Variants in OTOF observed in about 807,000 individuals in gnomAD.
OTOF encodes fer-1-like family member 2.
Under a neutral mutation model 236.8 loss-of-function variants are expected in OTOF, and 218 were observed. The observed-to-expected ratio is 0.92, with a 90% CI of 0.82 to 1.03. The LOEUF is 1.03. Ranked by LOEUF, OTOF falls within the 50% of genes least tolerant of loss-of-function variation. OTOF has a pLI of 0.00. For synonymous variants in OTOF, 1,041 were observed against 1,072.5 expected (o/e 0.97, Z 0.57); for missense variants, 2,590 against 2,694.4 (o/e 0.96, Z 0.86).
At position 26,462,229 on chromosome 2, in the gene OTOF, T is replaced by C; in HGVS notation, c.5193-48A>G. 1 of 1,500,284 alleles carries C rather than the reference T, an allele frequency of 6.7e-7. No homozygotes were observed. The highest frequency in any genetic ancestry group is 2.3e-5 in the East Asian group (1 of 44,310). 92.9% of individuals were successfully genotyped at this position (1,500,284 alleles called of 1,614,324 possible). A position where few individuals can be genotyped will look rare whatever the true frequency, so the allele number is the denominator to read the frequency against. ...GGTTAGCAGCCCCAGGTGGGGGTTA[T>C]GCCAGGGTGCCAGGGCTGGGATGGG... On this transcript the variant is annotated intron_variant, in intron 41 of 46. Coordinates refer to ENST00000272371, the MANE Select transcript of OTOF (RefSeq NM_194248.3). The surrounding 1 kb of genome is among the most constrained non-coding windows in gnomAD (Gnocchi z 4.7).
chr2:26,542,146 A>G (rs1167462518), intron 1 of OTOF, among the ~76,000 whole-genome samples: 4 of 152,240 alleles, frequency 2.6e-5, no homozygotes, highest in African/African-American at 9.6e-5. Flanking sequence ...TTCATGGGAC[A>G]TGATTTAAGG....
intron 3 of OTOF, among the ~76,000 whole-genome samples, chr2:26,521,390 C>G (rs1475937575): frequency 6.6e-6 from 1 of 152,192 alleles, no homozygotes; most frequent in Non-Finnish European, 1.5e-5. Flanking sequence ...TCCCAGGGGG[C>G]AGGGTGGAGC....
At chr2:26,471,820 G>T (rs1260399227) in intron 30 of OTOF, among the ~76,000 whole-genome samples, 1 of 149,970 alleles carries the variant, frequency 6.7e-6, no homozygotes, top group Non-Finnish European at 1.5e-5. Context: ...TACACCACAT[G>T]CACACATGCA....
At chr2:26,467,078 G>A (rs1664765591) in intron 35 of OTOF, 21 bp downstream of exon 35, 32 of 1,611,126 alleles carry the variant, frequency 2.0e-5, no homozygotes, top group Non-Finnish European at 2.5e-5. Flanking sequence ...GCTCAGGCTG[G>A]GCCCGTGCTC....
intron 9 of OTOF, among the ~76,000 whole-genome samples, chr2:26,490,580 G>A (rs756854943): frequency 6.6e-6 from 1 of 152,194 alleles, no homozygotes; most frequent in Non-Finnish European, 1.5e-5. Context: ...TTTCCAATGT[G>A]CTTGGGGTAA....
intron 1 of OTOF, among the ~76,000 whole-genome samples, chr2:26,544,275 C>T (rs1667277908): frequency 6.6e-6 from 1 of 151,960 alleles, no homozygotes; most frequent in Non-Finnish European, 1.5e-5. Context: ...CCCTGTATAC[C>T]GCCACACAAT....
At chr2:26,487,780 A>G (rs1217997014) in intron 11 of OTOF, among the ~76,000 whole-genome samples, 1 of 152,222 alleles carries the variant, frequency 6.6e-6, no homozygotes, top group East Asian at 1.9e-4. Flanking sequence ...ATTCCAAGCA[A>G]GTAGTCCACG....
intron 1 of OTOF, among the ~76,000 whole-genome samples, chr2:26,541,319 A>G (rs531765776): frequency 6.6e-6 from 1 of 152,324 alleles, no homozygotes; most frequent in South Asian, 2.1e-4. Context: ...GAATTTATAC[A>G]TCAGGGTTCT....
chr2:26,481,052 A>G (rs1386807453), intron 14 of OTOF, 43 bp from the exon 15 acceptor site: 7 of 1,486,384 alleles, frequency 4.7e-6, no homozygotes, highest in Non-Finnish European at 5.6e-6. Flanking sequence ...CGTCACATCC[A>G]GTTTCCCTGG....
intron 35 of OTOF, 75 bp downstream of exon 35, chr2:26,467,024 G>T: frequency 6.3e-7 from 1 of 1,583,106 alleles, no homozygotes; most frequent in Non-Finnish European, 8.6e-7. Flanking sequence ...GCAGTGGTGG[G>T]AGGTGAGTGG....
In OTOF at chr2:26,480,262, T is replaced by G; in HGVS notation, c.1853A>C (p.Glu618Ala). 1 of 1,613,038 alleles carries G rather than the reference T, an allele frequency of 6.2e-7. No homozygotes were observed. The highest frequency in any genetic ancestry group is 1.7e-5 in the Admixed American group (1 of 60,032). The change falls in exon 16 of 47, where the codon GAG becomes GCG. Residue 618 changes from glutamate (E) to alanine (A), a missense_variant. Glu to Ala is a moderately radical substitution (Grantham distance 107). Around this residue, in one of 2 missense-constraint regions of OTOF, gnomAD observed 1,379 missense variants for 1,341.6 expected, o/e 1.03. Coordinates refer to ENST00000272371, the MANE Select transcript of OTOF (RefSeq NM_194248.3). ...EEFFLFGAFL[E>A]ASMIDRRNGD... ...GTTTCTCCGGTCGATCATTGAGGCCTCCAGGAAGGCTCCAAAGAGAAAGAA... is the reference window on the plus strand; with the variant it reads ...GTTTCTCCGGTCGATCATTGAGGCCGCCAGGAAGGCTCCAAAGAGAAAGAA...
Position 26,480,803 on chromosome 2 carries a change from C to A in OTOF, c.1786G>T (p.Ala596Ser). 6.2e-7 allele frequency: 1 copy of A among 1,612,310 alleles called. No homozygotes were observed. The highest frequency in any genetic ancestry group is 8.5e-7 in the Non-Finnish European group (1 of 1,179,828). ...GGTCTCACCTCCGAGATGGGCGTGG[C>A]CTGCTCCACCTGCACCTCTGTGGAG... ...TSSTEVQVEQ[A>S]TPISESCAGK... Residue 596 changes from alanine to serine, a missense_variant, in exon 15 of 47, where the codon GCC becomes TCC. By Grantham distance (99) the Ala-to-Ser change is moderately conservative. Around this residue, in one of 2 missense-constraint regions of OTOF, gnomAD observed 1,379 missense variants for 1,341.6 expected, o/e 1.03. Transcript: ENST00000272371.
chr2:26,548,721 C>T lies in OTOF; in HGVS notation c.79+9772G>A, dbSNP rs114121393. The stretch of plus-strand genomic sequence containing the variant: ...TTGCCTACAGCATTGAATACAGTTA[C>T]GTTCTGTACACGTTTGTGGCCTAGG... On this transcript the variant is annotated intron_variant, in intron 1 of 46. Transcript: ENST00000272371. Among the ~76,000 whole-genome samples the T allele has an allele frequency of 6.7e-3, 1,015 of 152,326 alleles. 9 individuals carry two copies. Among genetic ancestry groups the T allele is most frequent in the African/African-American group, 0.02 (850 of 41,560 alleles).
intron 8 of OTOF, 107 bp from the exon 9 acceptor site, chr2:26,495,180 G>A (rs1665951918): frequency 8.5e-7 from 1 of 1,181,196 alleles, no homozygotes; most frequent in African/African-American, 1.5e-5. Flanking sequence ...GAGGGCCCGG[G>A]AGCCAGCACT....
intron 16 of OTOF, 47 bp downstream of exon 16, chr2:26,480,156 G>A (rs775907057): frequency 9.0e-7 from 1 of 1,107,840 alleles, no homozygotes; most frequent in South Asian, 1.2e-5. Flanking sequence ...GCCCCCGTGG[G>A]CCCAGCACTC....
chr2:26,544,955 C>T (rs1667295264), intron 1 of OTOF, among the ~76,000 whole-genome samples: 1 of 151,440 alleles, frequency 6.6e-6, no homozygotes, highest in Non-Finnish European at 1.5e-5. Flanking sequence ...GCAGGAGAAT[C>T]GCTTGAACCC....
Position 26,475,931 on chromosome 2 carries a change from GATTGATGAAGAAGACGCGGGC to G in OTOF, c.2953_2973del (p.Ala985_Asn991del). 6.2e-7 allele frequency: 1 copy of G among 1,609,638 alleles called. No homozygotes were observed. The highest frequency in any genetic ancestry group is 1.7e-5 in the Admixed American group (1 of 59,604). On this transcript the variant is annotated inframe_deletion, in exon 24 of 47. Coordinates refer to ENST00000272371, the MANE Select transcript of OTOF (RefSeq NM_194248.3). The stretch of plus-strand genomic sequence containing the variant: ...GCCCTCACCTCTGTGCACTGACTCT[GATTGATGAAGAAGACGCGGGC>G]AAAGGGGTCTGAGAGTCCGCTGCTG...
chr2:26,556,389 G>C (rs1667585904), intron 1 of OTOF, among the ~76,000 whole-genome samples: 1 of 152,154 alleles, frequency 6.6e-6, no homozygotes, highest in South Asian at 2.1e-4. Flanking sequence ...CAGGTGAGCG[G>C]CTGAGGCATC....
intron 4 of OTOF, among the ~76,000 whole-genome samples, chr2:26,517,212 G>C (rs796406443): frequency 2.0e-5 from 3 of 152,070 alleles, no homozygotes; most frequent in African/African-American, 7.2e-5. Flanking sequence ...GTCATGATTG[G>C]GCTTCCTGCT....
Sources: allele counts gnomAD v4.1 joint callset (sites outside exome capture counted in the v4.1 genomes callset), GRCh38; gene constraint gnomAD v4.1.1; regional missense constraint gnomAD v4.1.1; non-coding constraint Gnocchi (gnomAD v3.1); transcripts MANE v1.5; gene names NCBI Gene and HGNC (gene_info 2026-07-23, HGNC 2026-07-21).